DCAF8L2: variants seen among roughly 807,000 people sequenced by gnomAD.
DCAF8L2 encodes DDB1 and CUL4 associated factor 8 like 2.
For missense variants in DCAF8L2, 430 were observed against 490.7 expected (o/e 0.88, Z 1.17); for synonymous variants, 200 against 190.9 (o/e 1.05, Z -0.39).
In DCAF8L2 at chrX:27,748,368, C is replaced by G; in HGVS notation, c.1473C>G (p.Cys491Trp). The change falls in exon 5 of 5, where the codon TGC becomes TGG. Residue 491 changes from cysteine to tryptophan, a missense_variant. Cys to Trp is a radical substitution (Grantham distance 215). Coordinates refer to ENST00000451261, the MANE Select transcript of DCAF8L2 (RefSeq NM_001353450.2). ...AGTTTGTAGTGAGCGGTAGTGATTG[C>G]GGGCACATCTTCTTCTGGGAGAAAT... is the stretch of plus-strand genomic sequence containing the variant. ...RSEFVVSGSD[C>W]GHIFFWEKSS... is the part of the protein sequence containing the mutation. 1 of 1,203,986 alleles carries G rather than the reference C, an allele frequency of 8.3e-7. No homozygotes were observed. The highest frequency in any genetic ancestry group is 1.1e-6 in the Non-Finnish European group (1 of 890,753).
At chrX:27,744,896 C>T (rs1922082795) in intron 4 of DCAF8L2, among the ~76,000 whole-genome samples, 1 of 112,224 alleles carries the variant, frequency 8.9e-6, no homozygotes. Context: ...AACTTGGTGC[C>T]TGCCTCTTGT....
intron 1 of DCAF8L2, among the ~76,000 whole-genome samples, chrX:27,614,040 T>C (rs1251193796): frequency 9.0e-6 from 1 of 111,637 alleles, no homozygotes; most frequent in Non-Finnish European, 1.9e-5. Context: ...CCAGTTCCTC[T>C]TTCTACCTCT....
the DCAF8L2 span, among the ~76,000 whole-genome samples, chrX:27,563,890 GC>G: frequency 9.0e-6 from 1 of 111,566 alleles, no homozygotes; most frequent in Admixed American, 9.5e-5. Flanking sequence ...CATTTGATTT[GC>G]TCTAATAGCT....
At chrX:27,528,902 A>G in the DCAF8L2 span, among the ~76,000 whole-genome samples, 5 of 111,654 alleles carry the variant, frequency 4.5e-5, no homozygotes, top group Admixed American at 1.9e-4. Flanking sequence ...AACTAGTGCA[A>G]TTGTATCCTA....
At chrX:27,588,995 A>G (rs1569152735), upstream of DCAF8L2, among the ~76,000 whole-genome samples, 1 of 111,973 alleles carries the variant, frequency 8.9e-6, no homozygotes, top group Non-Finnish European at 1.9e-5. Context: ...CTTATTTTCA[A>G]AAGTATATAC....
intron 2 of DCAF8L2, among the ~76,000 whole-genome samples, chrX:27,636,256 T>C (rs890154258): frequency 8.9e-6 from 1 of 112,130 alleles, no homozygotes; most frequent in Non-Finnish European, 1.9e-5. Flanking sequence ...GTGTTCATGG[T>C]CCAATCTTCA....
At chrX:27,563,349 A>G in the DCAF8L2 span, among the ~76,000 whole-genome samples, 1 of 111,611 alleles carries the variant, frequency 9.0e-6, no homozygotes, top group Non-Finnish European at 1.9e-5. Flanking sequence ...TCCTTTAATA[A>G]CTCTTGTCTG....
chrX:27,718,930 G>A (rs139902225), intron 4 of DCAF8L2, among the ~76,000 whole-genome samples: 1 of 111,461 alleles, frequency 9.0e-6, no homozygotes, highest in Non-Finnish European at 1.9e-5. Context: ...GTATGTGTGT[G>A]TATGTATGTA....
chrX:27,526,744 GTC>G, the DCAF8L2 span, among the ~76,000 whole-genome samples: 3 of 112,899 alleles, frequency 2.7e-5, no homozygotes, highest in Non-Finnish European at 3.7e-5. Context: ...CCTTCTGACA[GTC>G]AGGACCCTCA....
At chrX:27,684,927 A>T (rs1038976092) in intron 3 of DCAF8L2, among the ~76,000 whole-genome samples, 19 of 111,357 alleles carry the variant, frequency 1.7e-4, no homozygotes, top group African/African-American at 5.2e-4. Context: ...AATCTCTTAT[A>T]TCTATCTTTA....
the DCAF8L2 span, among the ~76,000 whole-genome samples, chrX:27,575,951 G>A: frequency 8.9e-6 from 1 of 111,847 alleles, no homozygotes. Flanking sequence ...TATCCATTCT[G>A]ATGAAACAGC....
chrX:27,648,005 G>A (rs1238616439), intron 2 of DCAF8L2, among the ~76,000 whole-genome samples: 1 of 111,289 alleles, frequency 9.0e-6, no homozygotes, highest in Non-Finnish European at 1.9e-5. Flanking sequence ...ACATGACAGA[G>A]GTAAATACAC....
intron 2 of DCAF8L2, among the ~76,000 whole-genome samples, chrX:27,676,560 T>C (rs748428898): frequency 4.5e-5 from 5 of 110,754 alleles, no homozygotes; most frequent in Non-Finnish European, 9.5e-5. Flanking sequence ...CCTGGAGGAA[T>C]AGCAGAGGTT....
chrX:27,482,236 C>T, the DCAF8L2 span, among the ~76,000 whole-genome samples: 1 of 111,358 alleles, frequency 9.0e-6, no homozygotes, highest in African/African-American at 3.3e-5. Context: ...CGTAACAAAT[C>T]TTTTAGGTTG....
At chrX:27,483,075 C>T in the DCAF8L2 span, among the ~76,000 whole-genome samples, 4 of 111,523 alleles carry the variant, frequency 3.6e-5, no homozygotes, top group Non-Finnish European at 7.5e-5. Flanking sequence ...GCATTTAAAA[C>T]GACATTGCAT....
chrX:27,712,630 G>A (rs1227452455), intron 3 of DCAF8L2: 1 of 111,852 alleles, frequency 8.9e-6, no homozygotes, highest in Non-Finnish European at 1.9e-5. Flanking sequence ...CCATGCTTCT[G>A]TGACTGCAGC....
intron 1 of DCAF8L2, among the ~76,000 whole-genome samples, chrX:27,614,550 G>A (rs1927363546): frequency 9.0e-6 from 1 of 111,542 alleles, no homozygotes; most frequent in Non-Finnish European, 1.9e-5. Context: ...ATGTTAGGGT[G>A]TTGATTTTAG....
the DCAF8L2 span, among the ~76,000 whole-genome samples, chrX:27,561,310 G>C: frequency 8.9e-6 from 1 of 111,963 alleles, no homozygotes; most frequent in African/African-American, 3.2e-5. Flanking sequence ...GCTCTCAGCT[G>C]TTTGTTATTG....
chrX:27,721,514 A>G (rs187583431), intron 4 of DCAF8L2, among the ~76,000 whole-genome samples: 170 of 111,834 alleles, frequency 1.5e-3, no homozygotes, highest in African/African-American at 5.2e-3. Flanking sequence ...TAGGATTGAA[A>G]CACAAAGCAA....
Sources: allele counts gnomAD v4.1 joint callset (sites outside exome capture counted in the v4.1 genomes callset), GRCh38; gene constraint gnomAD v4.1.1; transcripts MANE v1.5; gene names NCBI Gene and HGNC (gene_info 2026-07-23, HGNC 2026-07-21).